Variants in PKHD1 observed in about 807,000 individuals in gnomAD.
The protein encoded by PKHD1 is fibrocystin.
Under a neutral mutation model 412.0 loss-of-function variants are expected in PKHD1, and 291 were observed. That is an observed-to-expected ratio of 0.71 (90% CI 0.64 to 0.78). PKHD1 has a LOEUF of 0.78. Ranked by LOEUF, PKHD1 falls within the 30% of genes least tolerant of loss-of-function variation. The pLI, the probability that PKHD1 is intolerant of heterozygous loss-of-function variation, is 0.00. For missense variants in PKHD1, 4,825 were observed against 4,950.7 expected, an observed-to-expected ratio of 0.97 and a Z score of 0.76; for synonymous variants, 1,777 against 1,821.5, an observed-to-expected ratio of 0.98 and a Z score of 0.62.
chr6:51,652,166 T>C (rs1443487929), intron 61 of PKHD1, among the ~76,000 whole-genome samples: 2 of 152,110 alleles, frequency 1.3e-5, no homozygotes, highest in Non-Finnish European at 2.9e-5. Context: ...TAGCTTCCAA[T>C]ACCCAGTTAG....
chr6:51,884,823 G>C (rs912790180), intron 45 of PKHD1, among the ~76,000 whole-genome samples: 1 of 151,402 alleles, frequency 6.6e-6, no homozygotes, highest in Non-Finnish European at 1.5e-5. Context: ...CTGCATAAGA[G>C]GGCACTCAAC....
At chr6:51,690,868 T>C (rs908532817) in intron 60 of PKHD1, among the ~76,000 whole-genome samples, 1 of 151,560 alleles carries the variant, frequency 6.6e-6, no homozygotes, top group African/African-American at 2.4e-5. Context: ...ACCAACAGAG[T>C]AAACAGTCAA....
chr6:52,037,614 C>G (rs906852454), intron 27 of PKHD1, among the ~76,000 whole-genome samples: 2 of 152,096 alleles, frequency 1.3e-5, no homozygotes, highest in African/African-American at 4.8e-5. Flanking sequence ...AAAATAAACA[C>G]AAATTAAAAC....
intron 52 of PKHD1, among the ~76,000 whole-genome samples, chr6:51,816,377 A>G (rs1765467364): frequency 6.6e-6 from 1 of 152,198 alleles, no homozygotes; most frequent in Non-Finnish European, 1.5e-5. Context: ...AGATGTCTGT[A>G]CACCTTTCAT....
intron 33 of PKHD1, among the ~76,000 whole-genome samples, chr6:52,020,847 G>C (rs762341436): frequency 6.6e-6 from 1 of 151,830 alleles, no homozygotes; most frequent in Non-Finnish European, 1.5e-5. Flanking sequence ...ATTAGTAGTA[G>C]TTTCTAGTAA....
chr6:51,668,465 T>C (rs569264107), intron 60 of PKHD1, among the ~76,000 whole-genome samples: 1 of 152,332 alleles, frequency 6.6e-6, no homozygotes, highest in African/African-American at 2.4e-5. Flanking sequence ...TGGGGTTTTC[T>C]AGATATACAA....
rs1785518946 is a variant in PKHD1 at position 51,748,347 on chromosome 6, T to C, written c.9269A>G (p.Asn3090Ser). 2 of 1,613,992 alleles carry C rather than the reference T, an allele frequency of 1.2e-6. No homozygotes were observed. The highest frequency in any genetic ancestry group is 1.7e-5 in the Admixed American group (1 of 59,976). ...TCCTGCCACAACGTTGCCATGGAGG[T>C]TGATGTCCTTTACCTGGTTCACTTT... ...GIKVNQVKDINLHGNVVAGSE... is the reference protein window; with the variant it reads ...GIKVNQVKDISLHGNVVAGSE... Residue 3090 changes from asparagine (N) to serine (S), a missense_variant, in exon 58 of 67, where the codon AAC becomes AGC. Physicochemically the swap from Asn to Ser is conservative, Grantham distance 46. Transcript: ENST00000371117.
At chr6:51,886,790 C>G (rs951994884) in intron 44 of PKHD1, among the ~76,000 whole-genome samples, 2 of 152,054 alleles carry the variant, frequency 1.3e-5, no homozygotes, top group Non-Finnish European at 2.9e-5. Flanking sequence ...TAAAAATTTG[C>G]TAAGAGGTCA....
intron 43 of PKHD1, among the ~76,000 whole-genome samples, chr6:51,889,042 G>T (rs1778682012): frequency 6.6e-6 from 1 of 151,946 alleles, no homozygotes; most frequent in African/African-American, 2.4e-5. Context: ...AGAAGTTAAG[G>T]AATAGGCTGC....
intron 60 of PKHD1, among the ~76,000 whole-genome samples, chr6:51,673,441 C>T (rs1276531997): frequency 6.6e-6 from 1 of 152,176 alleles, no homozygotes; most frequent in African/African-American, 2.4e-5. Flanking sequence ...TGCATCTCTA[C>T]CAAATTGAAG....
At position 51,775,791 on chromosome 6, in the gene PKHD1, C is replaced by A. The variant is rs1467004149; in HGVS notation, c.8554+17G>T. The stretch of plus-strand genomic sequence containing the variant: ...ACATGCATTTTATTTTTAATAAAAA[C>A]TATATTATACTCTTACCAATTGTTC... On this transcript the variant is annotated intron_variant, in intron 54 of 66. Coordinates refer to ENST00000371117, the MANE Select transcript of PKHD1 (RefSeq NM_138694.4). The A allele has an allele frequency of 8.7e-7, 1 of 1,149,836 alleles. No individual in the cohort carries two copies. Among genetic ancestry groups the A allele is most frequent in the Non-Finnish European group, 1.3e-6 (1 of 760,898 alleles). 71.2% of individuals were successfully genotyped at this position (1,149,836 alleles called of 1,614,324 possible). A position where few individuals can be genotyped will look rare whatever the true frequency, so the allele number is the denominator to read the frequency against.
chr6:51,933,086 C>T (rs1786910086), intron 37 of PKHD1, among the ~76,000 whole-genome samples: 1 of 152,164 alleles, frequency 6.6e-6, no homozygotes, highest in African/African-American at 2.4e-5. Flanking sequence ...CATTTTTTAT[C>T]TGCCTTTGGC....
At chr6:52,021,674 T>C (rs546606373) in intron 33 of PKHD1, among the ~76,000 whole-genome samples, 1 of 152,320 alleles carries the variant, frequency 6.6e-6, no homozygotes, top group East Asian at 1.9e-4. Flanking sequence ...ATAATGTGTT[T>C]ATATACATGA....
chr6:51,704,906 C>T (rs1417120801), intron 60 of PKHD1, among the ~76,000 whole-genome samples: 2 of 151,760 alleles, frequency 1.3e-5, no homozygotes, highest in African/African-American at 4.8e-5. Context: ...CAGTTAAAGA[C>T]AAACTTTAGA....
Position 52,058,439 on chromosome 6 carries a change from C to G in PKHD1, c.1396G>C (p.Gly466Arg). Reference sequence around the variant, plus strand: ...TGAATCTGGACACCAATCCTCATCCCCCTGCTTGGGGCTATCCCATGATGC... The same window carrying G: ...TGAATCTGGACACCAATCCTCATCCGCCTGCTTGGGGCTATCCCATGATGC... ...AEHHGIAPSR[G>R]MRIGVQIHNT... Residue 466 changes from glycine to arginine, a missense_variant, in exon 16 of 67, where the codon GGG (glycine) becomes CGG (arginine). Gly to Arg is a moderately radical substitution (Grantham distance 125, BLOSUM62 -2). Transcript: ENST00000371117. The G allele has an allele frequency of 1.2e-6, 2 of 1,614,142 alleles. No individual in the cohort carries two copies. Among genetic ancestry groups the G allele is most frequent in the Non-Finnish European group, 1.7e-6 (2 of 1,180,018 alleles).
chr6:51,908,757 T>A (rs1782516913), intron 40 of PKHD1, among the ~76,000 whole-genome samples: 1 of 152,130 alleles, frequency 6.6e-6, no homozygotes, highest in Admixed American at 6.6e-5. Flanking sequence ...TGCTCCTCAT[T>A]TCCAGAAAAA....
Position 52,033,130 on chromosome 6 carries a change from G to A in PKHD1, c.3264C>T (p.Ile1088=), listed in dbSNP as rs1372651017. 2 of 1,611,702 alleles carry A rather than the reference G, an allele frequency of 1.2e-6. No individual in the cohort carries two copies. The highest frequency in any genetic ancestry group is 1.7e-6 in the Non-Finnish European group (2 of 1,178,044). ...KDGRIVNVTV[I]RGDYSAVLPR... is the part of the protein sequence containing the mutation. Reference sequence around the variant, plus strand: ...GAAGAACTGCAGAATAGTCCCCTCTGATCACAGTCACATTCACAATGCGTC... The same window carrying A: ...GAAGAACTGCAGAATAGTCCCCTCTAATCACAGTCACATTCACAATGCGTC... The change falls in exon 29 of 67, where the codon ATC becomes ATT. Residue 1088 remains isoleucine, a synonymous_variant. Coordinates refer to ENST00000371117, the MANE Select transcript of PKHD1 (RefSeq NM_138694.4).
At chr6:52,038,007 T>G (rs1804209318) in intron 27 of PKHD1, among the ~76,000 whole-genome samples, 1 of 152,162 alleles carries the variant, frequency 6.6e-6, no homozygotes, top group African/African-American at 2.4e-5. Context: ...AATGGGATCT[T>G]AGCAGATGTA....
chr6:51,967,990 C>T (rs1350421390), intron 35 of PKHD1, among the ~76,000 whole-genome samples: 3 of 152,130 alleles, frequency 2.0e-5, no homozygotes, highest in African/African-American at 7.2e-5. Flanking sequence ...TTGACAGCTC[C>T]GCAGTTTCAT....
Sources: allele counts gnomAD v4.1 joint callset (sites outside exome capture counted in the v4.1 genomes callset), GRCh38; gene constraint gnomAD v4.1.1; transcripts MANE v1.5; gene names NCBI Gene and HGNC (gene_info 2026-07-23, HGNC 2026-07-21).